Variants in CYP46A1 observed in about 807,000 individuals in gnomAD.
CYP46A1 encodes cholesterol 24-hydroxylase.
In CYP46A1, 20 loss-of-function variants were observed where a neutral mutation model predicts 63.3. That is an observed-to-expected ratio of 0.32 (90% confidence interval 0.22 to 0.46). CYP46A1 has a LOEUF of 0.46. Ranked by LOEUF, CYP46A1 falls within the 20% of genes least tolerant of loss-of-function variation. The probability of loss-of-function intolerance (pLI) is 1.00; values close to 1 mark genes in which losing one functional copy is unlikely to be tolerated. For missense variants in CYP46A1, 445 were observed against 670.8 expected, an observed-to-expected ratio of 0.66 and a Z score of 3.72; for synonymous variants, 268 against 273.6, an observed-to-expected ratio of 0.98 and a Z score of 0.20.
In CYP46A1 at chr14:99,725,982, G is replaced by T. The variant is rs1223894391; in HGVS notation, c.1266-208G>T. On this transcript the variant is annotated intron_variant, in intron 13 of 14. Coordinates refer to ENST00000261835, the MANE Select transcript of CYP46A1 (RefSeq NM_006668.2). The surrounding 1 kb of genome is among the most constrained non-coding windows in gnomAD (Gnocchi z 4.2). ...CATCTGTGAAATGGGGACAACAGCA[G>T]TTCCTTCCAGGAGGGTAAAAGGAGG... Among the ~76,000 whole-genome samples the T allele has an allele frequency of 6.6e-6, 1 of 152,218 alleles. No individual in the cohort carries two copies. The highest frequency in any genetic ancestry group is 6.5e-5 in the Admixed American group (1 of 15,288).
chr14:99,716,904 C>T (rs2056795409), intron 9 of CYP46A1, among the ~76,000 whole-genome samples: 1 of 152,140 alleles, frequency 6.6e-6, no homozygotes, highest in African/African-American at 2.4e-5. Flanking sequence ...AGATGAGGGA[C>T]AGTTTCTAGC....
At position 99,684,474 on chromosome 14, in the gene CYP46A1, C is replaced by G; in HGVS notation, c.57C>G (p.Cys19Trp). 1 of 1,483,266 alleles carries G rather than the reference C, an allele frequency of 6.7e-7. No homozygotes were observed. Among genetic ancestry groups the G allele is most frequent in the Non-Finnish European group, 8.9e-7 (1 of 1,123,664 alleles). The allele number at this position is 1,483,266 out of a possible 1,614,324, so 91.9% of individuals were successfully genotyped here. A position where few individuals can be genotyped will look rare whatever the true frequency, so the allele number is the denominator to read the frequency against. Residue 19 changes from cysteine (C) to tryptophan (W), a missense_variant, in exon 1 of 15, where the codon TGC becomes TGG. Cys to Trp is a radical substitution (Grantham distance 215, BLOSUM62 -2). Around this residue, in one of 4 missense-constraint regions of CYP46A1, gnomAD observed 252 missense variants for 383.3 expected, o/e 0.66. Coordinates refer to ENST00000261835, the MANE Select transcript of CYP46A1 (RefSeq NM_006668.2). ...CCGTCCTGCTCGCCTTCGGCCTCTG[C>G]TGCACCTTCGTGCACCGCGCTCGCA... ...GSAVLLAFGL[C>W]CTFVHRARSR...
chr14:99,725,436 C>G lies in CYP46A1; in HGVS notation c.1222C>G (p.Pro408Ala). 6.2e-7 allele frequency: 1 copy of G among 1,614,138 alleles called. No individual in the cohort carries two copies. Among genetic ancestry groups the G allele is most frequent in the Non-Finnish European group, 8.5e-7 (1 of 1,180,016 alleles). Reference protein sequence around the residue: ...MGRMDTYFEDPLTFNPDRFGP... With the variant: ...MGRMDTYFEDALTFNPDRFGP... The stretch of plus-strand genomic sequence containing the variant: ...GCGGATGGACACATACTTTGAGGAC[C>G]CGCTGACTTTCAACCCCGATCGCTT... Residue 408 changes from proline to alanine, a missense_variant, in exon 13 of 15, where the codon CCG becomes GCG. Coordinates refer to ENST00000261835, the MANE Select transcript of CYP46A1 (RefSeq NM_006668.2). The surrounding 1 kb of genome is among the most constrained non-coding windows in gnomAD (Gnocchi z 4.2).
At chr14:99,714,843 C>G (rs2056773527) in intron 7 of CYP46A1, among the ~76,000 whole-genome samples, 1 of 151,076 alleles carries the variant, frequency 6.6e-6, no homozygotes, top group Non-Finnish European at 1.5e-5. Flanking sequence ...GAAATCCTTA[C>G]ATTTGGAGCA....
intron 3 of CYP46A1, among the ~76,000 whole-genome samples, chr14:99,696,604 G>C (rs7156258): frequency 0.62 from 94,366 of 151,980 alleles, 29,647 homozygotes; most frequent in East Asian, 0.78. Flanking sequence ...TACTTTATTT[G>C]CTGTACTTTT....
intron 5 of CYP46A1, among the ~76,000 whole-genome samples, chr14:99,700,891 C>T (rs1048590890): frequency 2.0e-5 from 3 of 152,024 alleles, no homozygotes; most frequent in African/African-American, 7.3e-5. Context: ...TGTTATTGCC[C>T]CTGAAGACTT....
chr14:99,694,982 A>C (rs1026659004), intron 3 of CYP46A1, among the ~76,000 whole-genome samples: 6 of 151,944 alleles, frequency 3.9e-5, no homozygotes, highest in African/African-American at 1.2e-4. Context: ...ACAAATTTTG[A>C]TATGTTTTAT....
intron 5 of CYP46A1, 144 bp from the exon 6 acceptor site, chr14:99,706,503 G>A (rs2056677206): frequency 2.0e-6 from 2 of 1,005,008 alleles, no homozygotes; most frequent in Admixed American, 2.3e-5. Context: ...CCTGCAATCT[G>A]GGTCTCAAGG....
In CYP46A1 at chr14:99,684,525, G is replaced by A; in HGVS notation, c.108G>A (p.Pro36=). The change falls in exon 1 of 15, where the codon CCG becomes CCA. Residue 36 remains proline, a synonymous_variant. Transcript: ENST00000261835. ...GCCGCTACGAGCACATCCCCGGGCC[G>A]CCGCGGCCCAGGTGAGCGGGGCTGG... ...ARSRYEHIPG[P]PRPSFLLGHL... is the part of the protein sequence containing the mutation. The A allele has an allele frequency of 1.4e-6, 2 of 1,471,062 alleles. No homozygotes were observed. Among genetic ancestry groups the A allele is most frequent in the Non-Finnish European group, 1.8e-6 (2 of 1,115,768 alleles). 91.1% of individuals were successfully genotyped at this position (1,471,062 alleles called of 1,614,324 possible). A position where few individuals can be genotyped will look rare whatever the true frequency, so the allele number is the denominator to read the frequency against.
At chr14:99,694,752 C>G (rs2056573260) in intron 3 of CYP46A1, among the ~76,000 whole-genome samples, 1 of 152,184 alleles carries the variant, frequency 6.6e-6, no homozygotes. Context: ...TTGCCTGCCT[C>G]AGCCTCCCAA....
chr14:99,687,470 G>T (rs1264893157), intron 1 of CYP46A1, among the ~76,000 whole-genome samples: 1 of 152,178 alleles, frequency 6.6e-6, no homozygotes, highest in South Asian at 2.1e-4. Context: ...TGGCTCTGGC[G>T]GGTGGTGCAT....
Position 99,725,256 on chromosome 14 carries a change from T to C in CYP46A1, c.1177-135T>C, listed in dbSNP as rs578233746. 1.7e-4 allele frequency: 112 copies of C among 668,024 alleles called. 1 individual carries two copies. Among genetic ancestry groups the C allele is most frequent in the Admixed American group, 5.5e-4 (22 of 40,364 alleles). 41.4% of individuals were successfully genotyped at this position (668,024 alleles called of 1,614,324 possible). A position where few individuals can be genotyped will look rare whatever the true frequency, so the allele number is the denominator to read the frequency against. On this transcript the variant is annotated intron_variant, in intron 12 of 14. Transcript: ENST00000261835. The surrounding 1 kb of genome is among the most constrained non-coding windows in gnomAD (Gnocchi z 4.2). The stretch of plus-strand genomic sequence containing the variant: ...CCAGTGCAATGGACACCAACCTAGA[T>C]GAGGGGTGAAGACATGGGGGGAGGA...
chr14:99,703,019 T>C (rs1206774579), intron 5 of CYP46A1, among the ~76,000 whole-genome samples: 1 of 152,220 alleles, frequency 6.6e-6, no homozygotes, highest in Non-Finnish European at 1.5e-5. Flanking sequence ...CCTTAACATT[T>C]TTGAAGATGA....
At chr14:99,702,994 C>G (rs2056645083) in intron 5 of CYP46A1, among the ~76,000 whole-genome samples, 1 of 152,176 alleles carries the variant, frequency 6.6e-6, no homozygotes, top group Non-Finnish European at 1.5e-5. Context: ...CTCAGCCTTT[C>G]TTTGGCTTTC....
chr14:99,699,377 A>G lies in CYP46A1; in HGVS notation c.283-89A>G, dbSNP rs541933654. On this transcript the variant is annotated intron_variant, in intron 3 of 14. Coordinates refer to ENST00000261835, the MANE Select transcript of CYP46A1 (RefSeq NM_006668.2). ...GCACACTGCGGCTGAGACTCAGCCA[A>G]TGGTGATTATTTGGGGCATGTCTCA... The G allele has an allele frequency of 1.2e-5, 15 of 1,261,180 alleles. No individual in the cohort carries two copies. The African/African-American group carries it at 1.6e-4, about 14-fold the overall frequency. 78.1% of individuals were successfully genotyped at this position (1,261,180 alleles called of 1,614,324 possible).
At chr14:99,715,074 A>G (rs1414566182) in intron 7 of CYP46A1, among the ~76,000 whole-genome samples, 3 of 152,236 alleles carry the variant, frequency 2.0e-5, no homozygotes, top group Non-Finnish European at 4.4e-5. Flanking sequence ...AGTAAGTTTT[A>G]GTGTCAGTAG....
At chr14:99,726,122 C>A in intron 13 of CYP46A1, 68 bp from the exon 14 acceptor site, 1 of 1,417,582 alleles carries the variant, frequency 7.1e-7, no homozygotes, top group Non-Finnish European at 1.0e-6. Flanking sequence ...TAACTACTGT[C>A]TTCCTTATGT....
chr14:99,720,634 CT>C (rs1283204434), intron 10 of CYP46A1, among the ~76,000 whole-genome samples: 2 of 151,580 alleles, frequency 1.3e-5, no homozygotes, highest in South Asian at 2.1e-4. Context: ...AATTTTTGTA[CT>C]TTTAGTAGAG....
intron 1 of CYP46A1, among the ~76,000 whole-genome samples, chr14:99,686,814 G>A (rs891083988): frequency 6.6e-6 from 1 of 152,144 alleles, no homozygotes. Context: ...TTATTCTAAG[G>A]AGGTGAACTG....
Sources: gnomAD v4.1 joint callset for allele counts (sites outside exome capture counted in the v4.1 genomes callset) on GRCh38, gnomAD v4.1.1 for gene constraint, gnomAD v4.1.1 regional missense constraint, Gnocchi (gnomAD v3.1) non-coding constraint, MANE v1.5 for transcripts, NCBI Gene and HGNC (gene_info 2026-07-23, HGNC 2026-07-21) for gene names.